The following CHCHD6 variants were observed in gnomAD, a reference collection of about 807,000 sequenced individuals.
CHCHD6 encodes coiled-coil-helix-coiled-coil-helix domain containing 6.
A neutral mutation model predicts 32.3 loss-of-function variants in CHCHD6; 28 were observed. The observed-to-expected ratio is 0.87, with a 90% CI of 0.64 to 1.19. The LOEUF (loss-of-function observed/expected upper bound fraction) is 1.19. CHCHD6 is among the 50% of genes most tolerant of loss of function. The pLI, the probability that CHCHD6 is intolerant of heterozygous loss-of-function variation, is 0.00. For synonymous variants in CHCHD6, 122 were observed against 117.5 expected, an observed-to-expected ratio of 1.04 and a Z score of -0.25; for missense variants, 333 against 307.0, an observed-to-expected ratio of 1.08 and a Z score of -0.63.
chr3:126,914,672 C>T lies in CHCHD6; in HGVS notation c.496-8C>T. The T allele has an allele frequency of 1.9e-6, 3 of 1,550,570 alleles. No homozygotes were observed. The highest frequency in any genetic ancestry group is 2.7e-6 in the Non-Finnish European group (3 of 1,122,278). On this transcript the variant is annotated splice_polypyrimidine_tract_variant and splice_region_variant and intron_variant, in intron 5 of 7. Transcript: ENST00000290913. ...CTTTGGTAACCAATTCTGTTTTTCT[C>T]CTTGTAGAATGCTGAGATGTATAAA... is the stretch of plus-strand genomic sequence containing the variant.
chr3:126,718,002 G>A lies in CHCHD6; in HGVS notation c.88-9076G>A, dbSNP rs541092675. On this transcript the variant is annotated intron_variant, in intron 1 of 7. Transcript: ENST00000290913. Reference sequence around the variant, plus strand: ...TGCCAGCCAAGTGTGCCAGGGTAGCGGCAGGGAAGAGGCCCCTTTCCTTGG... The same window carrying A: ...TGCCAGCCAAGTGTGCCAGGGTAGCAGCAGGGAAGAGGCCCCTTTCCTTGG... 4.6e-5 allele frequency among the ~76,000 whole-genome samples: 7 copies of A among 152,278 alleles called. No homozygotes were observed. The East Asian group carries it at 1.2e-3, about 25-fold the overall frequency.
At chr3:126,904,618 G>C (rs909500470) in intron 5 of CHCHD6, among the ~76,000 whole-genome samples, 3 of 152,224 alleles carry the variant, frequency 2.0e-5, no homozygotes, top group African/African-American at 7.2e-5. Flanking sequence ...CACCCCAGTA[G>C]TGACTGAAAT....
intron 6 of CHCHD6, 117 bp from the exon 7 acceptor site, chr3:126,957,299 C>A: frequency 8.8e-7 from 1 of 1,136,422 alleles, no homozygotes; most frequent in Non-Finnish European, 1.3e-6. Context: ...AAGGATGCTG[C>A]TGGGTGTCAG....
At chr3:126,753,801 A>G (rs955989741) in intron 4 of CHCHD6, among the ~76,000 whole-genome samples, 6 of 152,194 alleles carry the variant, frequency 3.9e-5, no homozygotes, top group African/African-American at 1.4e-4. Flanking sequence ...GGCAGTGGGC[A>G]CCAAGGGCTG....
intron 4 of CHCHD6, among the ~76,000 whole-genome samples, chr3:126,837,980 C>T (rs548072611): frequency 4.6e-5 from 7 of 152,316 alleles, no homozygotes; most frequent in South Asian, 2.1e-4. Context: ...CTGAAGCCTC[C>T]GTTCCCTCAT....
intron 6 of CHCHD6, among the ~76,000 whole-genome samples, chr3:126,951,500 G>A (rs527543288): frequency 2.8e-4 from 43 of 152,320 alleles, no homozygotes; most frequent in Non-Finnish European, 5.4e-4. Context: ...AGGGAAGGGT[G>A]CAGAGGTTAT....
intron 3 of CHCHD6, among the ~76,000 whole-genome samples, chr3:126,731,098 TAAAAAAAA>T (rs34596059): frequency 3.2e-4 from 24 of 73,986 alleles, no homozygotes; most frequent in African/African-American, 1.2e-3. Context: ...ACCCTGTCTC[TAAAAAAAA>T]AAAAAAAAAA....
chr3:126,835,898 A>G (rs573031557), intron 4 of CHCHD6, among the ~76,000 whole-genome samples: 31 of 152,240 alleles, frequency 2.0e-4, no homozygotes, highest in African/African-American at 6.5e-4. Flanking sequence ...AAAATCGCAT[A>G]TTATTTCTTC....
chr3:126,725,074 G>T (rs180911423), intron 1 of CHCHD6, among the ~76,000 whole-genome samples: 6 of 152,302 alleles, frequency 3.9e-5, no homozygotes, highest in African/African-American at 1.4e-4. Context: ...CATGAATCAT[G>T]AATGTTCTTA....
chr3:126,818,931 A>G (rs959001506), intron 4 of CHCHD6, among the ~76,000 whole-genome samples: 1 of 152,222 alleles, frequency 6.6e-6, no homozygotes, highest in Non-Finnish European at 1.5e-5. Flanking sequence ...CTACGTGGCA[A>G]CTGTGGAGGG....
rs562018019 is a variant in CHCHD6, at chr3:126,911,495, C to T, written c.496-3185C>T. On this transcript the variant is annotated intron_variant, in intron 5 of 7. Coordinates refer to ENST00000290913, the MANE Select transcript of CHCHD6 (RefSeq NM_032343.3). ...AGACCTTCGAGTGCCAAGGGAGCTGCGGTTGTGAGGACATCCGTCCCTGTA... is the reference window on the plus strand; with the variant it reads ...AGACCTTCGAGTGCCAAGGGAGCTGTGGTTGTGAGGACATCCGTCCCTGTA... 4.1e-4 allele frequency among the ~76,000 whole-genome samples: 63 copies of T among 152,272 alleles called. 1 individual carries two copies. The highest frequency in any genetic ancestry group is 4.0e-3 in the Admixed American group (61 of 15,300).
chr3:126,808,118 G>A (rs1022083446), intron 4 of CHCHD6, among the ~76,000 whole-genome samples: 2 of 152,182 alleles, frequency 1.3e-5, no homozygotes, highest in South Asian at 2.1e-4. Context: ...ACGATCATCC[G>A]AAGGCTTGTT....
intron 4 of CHCHD6, among the ~76,000 whole-genome samples, chr3:126,738,444 A>C (rs1290356775): frequency 6.6e-6 from 1 of 152,158 alleles, no homozygotes; most frequent in Non-Finnish European, 1.5e-5. Context: ...TGGAGGATTG[A>C]TTTTGGTTTT....
chr3:126,856,550 T>C (rs1336457897), intron 5 of CHCHD6, among the ~76,000 whole-genome samples: 1 of 152,232 alleles, frequency 6.6e-6, no homozygotes, highest in East Asian at 1.9e-4. Context: ...TCCAGAGCCT[T>C]TGCTCAGTTG....
At chr3:126,851,794 G>C (rs1057279388) in intron 4 of CHCHD6, among the ~76,000 whole-genome samples, 1 of 152,218 alleles carries the variant, frequency 6.6e-6, no homozygotes, top group African/African-American at 2.4e-5. Context: ...GCCCACTTCT[G>C]TTGGGGTTTC....
chr3:126,723,045 T>C (rs56166361), intron 1 of CHCHD6, among the ~76,000 whole-genome samples: 12,760 of 152,156 alleles, frequency 0.084, 1,807 homozygotes, highest in African/African-American at 0.29. Context: ...CCCAGCATCA[T>C]TGGTTGAAGA....
At chr3:126,950,894 A>G (rs9289289) in intron 6 of CHCHD6, among the ~76,000 whole-genome samples, 27,199 of 152,230 alleles carry the variant, frequency 0.18, 2,957 homozygotes, top group African/African-American at 0.29. Flanking sequence ...TGATGCAGAA[A>G]GCATTGTTGT....
intron 6 of CHCHD6, among the ~76,000 whole-genome samples, chr3:126,915,347 C>T (rs115851319): frequency 0.012 from 1,819 of 152,320 alleles, 19 homozygotes; most frequent in Middle Eastern, 0.048. Flanking sequence ...TCAGCTGGAA[C>T]GTCACAGGAG....
At chr3:126,821,438 C>T (rs142439163) in intron 4 of CHCHD6, among the ~76,000 whole-genome samples, 1,547 of 152,212 alleles carry the variant, frequency 0.01, 28 homozygotes, top group African/African-American at 0.035. Flanking sequence ...GCTGGGATTA[C>T]AGGTGCCCAC....
Sources: allele counts gnomAD v4.1 joint callset (sites outside exome capture counted in the v4.1 genomes callset), GRCh38; gene constraint gnomAD v4.1.1; transcripts MANE v1.5; gene names NCBI Gene and HGNC (gene_info 2026-07-23, HGNC 2026-07-21).